The following GRIK1 variants were observed in gnomAD, a reference collection of about 807,000 sequenced individuals.
GRIK1 encodes the protein glutamate receptor ionotropic, kainate 1.
A neutral mutation model predicts 105.7 loss-of-function variants in GRIK1; 69 were observed. The ratio of observed to expected loss-of-function variants is 0.65; its 90% CI spans 0.54 to 0.80. GRIK1 has a LOEUF of 0.80. GRIK1 is among the 30% of genes least tolerant of loss of function. GRIK1 has a pLI of 0.00. For missense variants in GRIK1, 1,109 were observed against 1,167.3 expected, an observed-to-expected ratio of 0.95 and a Z score of 0.73; for synonymous variants, 438 against 431.3, an observed-to-expected ratio of 1.02 and a Z score of -0.19.
intron 4 of GRIK1, among the ~76,000 whole-genome samples, chr21:29,663,013 G>A (rs1406398184): frequency 2.0e-5 from 3 of 152,132 alleles, no homozygotes; most frequent in Non-Finnish European, 4.4e-5. Context: ...TATTCACAGC[G>A]ACTGCTTGCT....
intron 7 of GRIK1, among the ~76,000 whole-genome samples, chr21:29,627,797 TAACA>T (rs971216062): frequency 9.9e-5 from 15 of 152,216 alleles, no homozygotes; most frequent in African/African-American, 3.1e-4. Flanking sequence ...TTCATTTGGT[TAACA>T]AACTTTCCTT....
At chr21:29,604,562 C>A (rs969286086) in intron 7 of GRIK1, among the ~76,000 whole-genome samples, 3 of 152,150 alleles carry the variant, frequency 2.0e-5, no homozygotes, top group African/African-American at 7.2e-5. Context: ...TGGGACAGGG[C>A]TGAAGCATAT....
chr21:29,544,296 A>T (rs1157838395), intron 16 of GRIK1, among the ~76,000 whole-genome samples: 8 of 152,184 alleles, frequency 5.3e-5, no homozygotes, highest in African/African-American at 1.9e-4. Flanking sequence ...AGGGATTCTT[A>T]ATTTTAAAAA....
rs1241354678 is a variant in GRIK1, at chr21:29,651,244, G to A, written c.828C>T (p.Asn276=). The A allele has an allele frequency of 3.7e-6, 6 of 1,613,676 alleles. No homozygotes were observed. Among genetic ancestry groups the A allele is most frequent in the Non-Finnish European group, 5.1e-6 (6 of 1,179,596 alleles). The change falls in exon 6 of 18, where the codon AAC becomes AAT. Residue 276 remains asparagine (N), a synonymous_variant. Transcript: ENST00000327783. Reference sequence around the variant, plus strand: ...TGTTAAGCAGCCGAAACCCGGTCATGTTTACGCCACTGTACCTATAGAGTT... The same window carrying A: ...TGTTAAGCAGCCGAAACCCGGTCATATTTACGCCACTGTACCTATAGAGTT... The part of the protein sequence containing the change: ...DLELYRYSGV[N]MTGFRLLNID...
intron 1 of GRIK1, among the ~76,000 whole-genome samples, chr21:29,901,089 A>T (rs137891338): frequency 6.6e-6 from 1 of 152,210 alleles, no homozygotes; most frequent in Non-Finnish European, 1.5e-5. Flanking sequence ...TTTGAAACCA[A>T]TGAGAACAAA....
chr21:29,655,340 G>A (rs893352811), intron 4 of GRIK1, among the ~76,000 whole-genome samples: 9 of 152,062 alleles, frequency 5.9e-5, no homozygotes, highest in East Asian at 3.9e-4. Context: ...CCTGGGAGGC[G>A]GAGGTTGCAG....
chr21:29,885,528 T>C (rs1416709280), intron 1 of GRIK1, among the ~76,000 whole-genome samples: 1 of 152,116 alleles, frequency 6.6e-6, no homozygotes, highest in Admixed American at 6.6e-5. Context: ...ATTTGCCATT[T>C]AGAATTTTAG....
chr21:29,628,835 C>T (rs2062191655), intron 7 of GRIK1, among the ~76,000 whole-genome samples: 2 of 151,992 alleles, frequency 1.3e-5, no homozygotes, highest in Admixed American at 1.3e-4. Flanking sequence ...TCTTTGTTGC[C>T]CAGATGCCTA....
chr21:29,596,442 G>T, intron 9 of GRIK1, 84 bp downstream of exon 9: 2 of 890,594 alleles, frequency 2.2e-6, no homozygotes, highest in Non-Finnish European at 3.9e-6. Flanking sequence ...TACAGGTCTG[G>T]TAACATTGGA....
intron 1 of GRIK1, among the ~76,000 whole-genome samples, chr21:29,719,518 A>G (rs564497182): frequency 1.9e-3 from 290 of 152,332 alleles, no homozygotes; most frequent in African/African-American, 6.2e-3. Flanking sequence ...AAATTCCTTG[A>G]GAAGAATTTA....
At chr21:29,732,785 G>A (rs2064670761) in intron 1 of GRIK1, among the ~76,000 whole-genome samples, 1 of 152,080 alleles carries the variant, frequency 6.6e-6, no homozygotes, top group Non-Finnish European at 1.5e-5. Context: ...AAAACAAATG[G>A]GATCTGAATT....
chr21:29,818,823 A>T (rs1337106096), intron 1 of GRIK1, among the ~76,000 whole-genome samples: 1 of 151,846 alleles, frequency 6.6e-6, no homozygotes, highest in East Asian at 1.9e-4. Context: ...CACAGTTAGG[A>T]TGAATCTGAC....
intron 6 of GRIK1, among the ~76,000 whole-genome samples, chr21:29,650,745 G>C (rs1422811251): frequency 6.6e-6 from 1 of 152,142 alleles, no homozygotes; most frequent in Non-Finnish European, 1.5e-5. Flanking sequence ...CAGAAGTGAG[G>C]AACACAAATC....
At chr21:29,880,593 G>C (rs2069371316) in intron 1 of GRIK1, among the ~76,000 whole-genome samples, 1 of 152,108 alleles carries the variant, frequency 6.6e-6, no homozygotes, top group South Asian at 2.1e-4. Context: ...GTTTATTTCT[G>C]GTTGCTATTG....
intron 7 of GRIK1, chr21:29,630,598 GGAA>G (rs1166005829): frequency 2.1e-6 from 1 of 471,456 alleles, no homozygotes; most frequent in Non-Finnish European, 4.4e-6. Flanking sequence ...ACGTGAGCTT[GGAA>G]GAGGACCTTG....
At chr21:29,846,335 C>T (rs545662725) in intron 1 of GRIK1, among the ~76,000 whole-genome samples, 2 of 149,434 alleles carry the variant, frequency 1.3e-5, no homozygotes, top group East Asian at 3.9e-4. Flanking sequence ...TTGCAGTGAG[C>T]CGAGATCACA....
intron 1 of GRIK1, among the ~76,000 whole-genome samples, chr21:29,867,490 C>T (rs1171257997): frequency 1.3e-5 from 2 of 151,954 alleles, no homozygotes; most frequent in African/African-American, 4.8e-5. Flanking sequence ...TCCATCACCA[C>T]GACTTCAGAA....
At chr21:29,886,447 A>C (rs1399190207) in intron 1 of GRIK1, among the ~76,000 whole-genome samples, 1 of 152,144 alleles carries the variant, frequency 6.6e-6, no homozygotes, top group East Asian at 1.9e-4. Flanking sequence ...TGGAAGGCCC[A>C]CCAGCACACT....
chr21:29,867,958 AAAT>A, intron 1 of GRIK1, among the ~76,000 whole-genome samples: 3 of 146,946 alleles, frequency 2.0e-5, no homozygotes, highest in Non-Finnish European at 4.5e-5. Flanking sequence ...AAGAGAGAGA[AAAT>A]GAGAGAGAAA....
Sources: gnomAD v4.1 joint callset for allele counts (sites outside exome capture counted in the v4.1 genomes callset) on GRCh38, gnomAD v4.1.1 for gene constraint, MANE v1.5 for transcripts, NCBI Gene and HGNC (gene_info 2026-07-23, HGNC 2026-07-21) for gene names.